The following CAMTA1 variants were observed in gnomAD, a reference collection of about 807,000 sequenced individuals.
CAMTA1 encodes calmodulin-binding transcription activator 1.
In CAMTA1, 27 loss-of-function variants were observed where a neutral mutation model predicts 170.9. The ratio of observed to expected loss-of-function variants is 0.16; its 90% CI spans 0.12 to 0.22. The LOEUF is 0.22. Among genes scored for constraint, CAMTA1 ranks in the 10% least tolerant of loss-of-function variants. The pLI, the probability that CAMTA1 is intolerant of heterozygous loss-of-function variation, is 1.00. For synonymous variants in CAMTA1, 833 were observed against 891.5 expected (o/e 0.93, Z 1.17); for missense variants, 1,619 against 2,217.2 (o/e 0.73, Z 5.42).
chr1:7,183,723 G>A (rs146008432), intron 4 of CAMTA1, among the ~76,000 whole-genome samples: 75 of 152,304 alleles, frequency 4.9e-4, no homozygotes, highest in African/African-American at 1.5e-3. Context: ...GGCAAAGAGC[G>A]GAAGAGCATC....
At chr1:7,632,959 G>A (rs1340908570) in intron 6 of CAMTA1, among the ~76,000 whole-genome samples, 2 of 152,254 alleles carry the variant, frequency 1.3e-5, no homozygotes, top group African/African-American at 2.4e-5. Context: ...GCCAGTGTAA[G>A]TGACCTTACA....
At chr1:6,862,518 GT>G (rs902642480) in intron 3 of CAMTA1, among the ~76,000 whole-genome samples, 19 of 151,932 alleles carry the variant, frequency 1.3e-4, no homozygotes, top group African/African-American at 4.1e-4. Flanking sequence ...AAAGAGTTTT[GT>G]TTTTTTTCTT....
At chr1:7,322,142 C>T (rs1318267390) in intron 5 of CAMTA1, among the ~76,000 whole-genome samples, 1 of 152,176 alleles carries the variant, frequency 6.6e-6, no homozygotes, top group Non-Finnish European at 1.5e-5. Context: ...ATTTTTTGAG[C>T]CCGGTGTCTG....
intron 11 of CAMTA1, among the ~76,000 whole-genome samples, chr1:7,689,518 G>A (rs1199816473): frequency 3.9e-5 from 6 of 152,158 alleles, no homozygotes; most frequent in Non-Finnish European, 7.4e-5. Flanking sequence ...GGTTGAGGCT[G>A]CAGTGAGCTG....
intron 6 of CAMTA1, among the ~76,000 whole-genome samples, chr1:7,622,793 G>C (rs886643679): frequency 2.6e-5 from 4 of 152,260 alleles, no homozygotes; most frequent in East Asian, 1.9e-4. Flanking sequence ...CAGATGCCAG[G>C]CTCAAGGCTT....
chr1:7,451,504 G>C (rs2092823855), intron 5 of CAMTA1, among the ~76,000 whole-genome samples: 1 of 152,184 alleles, frequency 6.6e-6, no homozygotes, highest in Non-Finnish European at 1.5e-5. Context: ...TCCCTCCTGA[G>C]CCACCTTTCC....
Position 7,664,742 on chromosome 1 carries a change from G to A in CAMTA1, c.2195G>A (p.Gly732Asp). ...ETNGVIRSAG[G>D]VPILPGNVVQ... ...AACGGGGTAATCCGAAGCGCCGGCGGCGTCCCCATCCTCCCGGGCAACGTG... is the reference window on the plus strand; with the variant it reads ...AACGGGGTAATCCGAAGCGCCGGCGACGTCCCCATCCTCCCGGGCAACGTG... Residue 732 changes from glycine (G) to aspartate (D), a missense_variant, in exon 9 of 23, where the codon GGC becomes GAC. By Grantham distance (94) the Gly-to-Asp change is moderately conservative. This residue lies in a region of CAMTA1 where 731 missense variants were observed against 907.6 expected (regional missense o/e 0.81). Coordinates refer to ENST00000303635, the MANE Select transcript of CAMTA1 (RefSeq NM_015215.4). 3 of 1,608,526 alleles carry A rather than the reference G, an allele frequency of 1.9e-6. No homozygotes were observed. Among genetic ancestry groups the A allele is most frequent in the Non-Finnish European group, 2.5e-6 (3 of 1,176,508 alleles).
intron 9 of CAMTA1, among the ~76,000 whole-genome samples, chr1:7,670,499 A>G (rs2096050006): frequency 6.6e-6 from 1 of 152,164 alleles, no homozygotes; most frequent in African/African-American, 2.4e-5. Flanking sequence ...GAGTTCCCTC[A>G]GTCTGTCCAC....
At chr1:7,701,717 G>A (rs893196807) in intron 11 of CAMTA1, among the ~76,000 whole-genome samples, 2 of 152,026 alleles carry the variant, frequency 1.3e-5, no homozygotes, top group East Asian at 1.9e-4. Flanking sequence ...CACCGTGCCC[G>A]GCTGTATCTG....
At position 7,738,512 on chromosome 1, in the gene CAMTA1, G is replaced by A. The variant is rs145943085; in HGVS notation, c.4182+30G>A. 4,170 of 1,600,094 alleles carry A rather than the reference G, an allele frequency of 2.6e-3. 76 individuals are homozygous for A. In the South Asian group the frequency reaches 0.031, roughly 12 times the overall value. On this transcript the variant is annotated intron_variant, in intron 16 of 22. Coordinates refer to ENST00000303635, the MANE Select transcript of CAMTA1 (RefSeq NM_015215.4). The surrounding 1 kb of genome is among the most constrained non-coding windows in gnomAD (Gnocchi z 4.9). Reference sequence around the variant, plus strand: ...AAAGCAGGGACAGGGTAAGCCCGCAGAGGCTGGTGCGTTCCAGTTGCTGTG... The same window carrying A: ...AAAGCAGGGACAGGGTAAGCCCGCAAAGGCTGGTGCGTTCCAGTTGCTGTG...
intron 7 of CAMTA1, among the ~76,000 whole-genome samples, chr1:7,647,567 A>G (rs1030080661): frequency 6.6e-6 from 1 of 151,830 alleles, no homozygotes; most frequent in Non-Finnish European, 1.5e-5. Flanking sequence ...CTGTTTGGGG[A>G]CCTGCTCTGT....
rs1475612987 is a variant in CAMTA1 at position 7,661,585 on chromosome 1, C to A, written c.665-141C>A. On this transcript the variant is annotated intron_variant, in intron 7 of 22. Coordinates refer to ENST00000303635, the MANE Select transcript of CAMTA1 (RefSeq NM_015215.4). ...CCTCCCTTCCCCTCCTCCTCCCCTA[C>A]TCATCAATTCGCCCCAGGAGCCAGC... The A allele has an allele frequency of 4.4e-6, 4 of 912,064 alleles. No homozygotes were observed. The African/African-American group carries it at 5.0e-5, about 11-fold the overall frequency. 56.5% of individuals were successfully genotyped at this position (912,064 alleles called of 1,614,324 possible).
chr1:6,786,441 G>C (rs1639395285), intron 1 of CAMTA1, among the ~76,000 whole-genome samples: 1 of 152,080 alleles, frequency 6.6e-6, no homozygotes, highest in East Asian at 1.9e-4. Context: ...ACAGGGGTCC[G>C]TCTGATCTGC....
rs2090418660 is a variant in CAMTA1, at chr1:7,407,938, G to C, written c.439-59892G>C. On this transcript the variant is annotated intron_variant, in intron 5 of 22. Coordinates refer to ENST00000303635, the MANE Select transcript of CAMTA1 (RefSeq NM_015215.4). ...AACGAAGGTTCTCCCAAGCCCACTG[G>C]AGAGGACTTGTTTGCTTCTTAGAGG... Among the ~76,000 whole-genome samples the C allele has an allele frequency of 1.3e-5, 2 of 152,162 alleles. 1 individual carries two copies. Among genetic ancestry groups the C allele is most frequent in the South Asian group, 4.1e-4 (2 of 4,832 alleles).
chr1:7,200,789 A>G (rs1656532613), intron 4 of CAMTA1, among the ~76,000 whole-genome samples: 1 of 152,176 alleles, frequency 6.6e-6, no homozygotes, highest in Admixed American at 6.5e-5. Context: ...ACTGGAAAGT[A>G]CTGTTTATTT....
In CAMTA1 at chr1:7,010,554, G is replaced by A. The variant is rs1024697769; in HGVS notation, c.235-80750G>A. Reference sequence around the variant, plus strand: ...GTGGAAAGACCTGAGTTCAAATCTCGGACCCACTACTGACCAGCTGGGTGA... The same window carrying A: ...GTGGAAAGACCTGAGTTCAAATCTCAGACCCACTACTGACCAGCTGGGTGA... On this transcript the variant is annotated intron_variant, in intron 3 of 22. Transcript: ENST00000303635. This position sits in a 1 kb window ranked among gnomAD's most constrained non-coding sequence, Gnocchi z 4.4. 2.0e-5 allele frequency among the ~76,000 whole-genome samples: 3 copies of A among 152,124 alleles called. No homozygotes were observed. Among genetic ancestry groups the A allele is most frequent in the Non-Finnish European group, 2.9e-5 (2 of 68,016 alleles).
rs1367499849 is a variant in CAMTA1 at position 7,680,377 on chromosome 1, G to A, written c.2914+2644G>A. 1.3e-5 allele frequency among the ~76,000 whole-genome samples: 2 copies of A among 152,130 alleles called. No homozygotes were observed. Among genetic ancestry groups the A allele is most frequent in the Non-Finnish European group, 2.9e-5 (2 of 68,002 alleles). Reference sequence around the variant, plus strand: ...GCCGCGGAGAGGGGAGGAGGGCTGGGGAAGGGGTGGGCGCCAGGGGACTGC... The same window carrying A: ...GCCGCGGAGAGGGGAGGAGGGCTGGAGAAGGGGTGGGCGCCAGGGGACTGC... On this transcript the variant is annotated intron_variant, in intron 11 of 22. Coordinates refer to ENST00000303635, the MANE Select transcript of CAMTA1 (RefSeq NM_015215.4). The surrounding 1 kb of genome is among the most constrained non-coding windows in gnomAD (Gnocchi z 4.4).
intron 6 of CAMTA1, among the ~76,000 whole-genome samples, chr1:7,581,408 C>T (rs1455136554): frequency 2.0e-5 from 3 of 152,242 alleles, no homozygotes; most frequent in African/African-American, 7.2e-5. Flanking sequence ...TTACTCTGTT[C>T]CCTGGGGACA....
chr1:7,638,228 G>A lies in CAMTA1; in HGVS notation c.511-2172G>A, dbSNP rs114346515. ...GTCTATCAGCTGGGGAAAGCAGAGG[G>A]GAAAGCAGCTTTCCTCTATCAGGAG... is the stretch of plus-strand genomic sequence containing the variant. On this transcript the variant is annotated intron_variant, in intron 6 of 22. Coordinates refer to ENST00000303635, the MANE Select transcript of CAMTA1 (RefSeq NM_015215.4). Among the ~76,000 whole-genome samples the A allele has an allele frequency of 1.5e-3, 226 of 152,298 alleles. 1 individual carries two copies. Among genetic ancestry groups the A allele is most frequent in the African/African-American group, 5.1e-3 (213 of 41,572 alleles).
Sources: gnomAD v4.1 joint callset for allele counts (sites outside exome capture counted in the v4.1 genomes callset) on GRCh38, gnomAD v4.1.1 for gene constraint, gnomAD v4.1.1 regional missense constraint, Gnocchi (gnomAD v3.1) non-coding constraint, MANE v1.5 for transcripts, NCBI Gene and HGNC (gene_info 2026-07-23, HGNC 2026-07-21) for gene names.